IQSEC1: variants seen among roughly 807,000 people sequenced by gnomAD.
IQSEC1 encodes IQ motif and SEC7 domain-containing protein 1.
In IQSEC1, 31 loss-of-function variants were observed where a neutral mutation model predicts 91.0. That is an observed-to-expected ratio of 0.34 (90% CI 0.26 to 0.46). The LOEUF is 0.46. Among genes scored for constraint, IQSEC1 ranks in the 20% least tolerant of loss-of-function variants. The pLI is 1.00. For missense variants in IQSEC1, 1,388 were observed against 1,575.6 expected (o/e 0.88, Z 2.02); for synonymous variants, 699 against 662.6 (o/e 1.05, Z -0.84).
At chr3:13,039,267 A>G (rs1704162493) in intron 1 of IQSEC1, among the ~76,000 whole-genome samples, 1 of 151,788 alleles carries the variant, frequency 6.6e-6, no homozygotes, top group Non-Finnish European at 1.5e-5. Context: ...TCCGTTTGCT[A>G]GTTGAAATAA....
chr3:13,194,659 C>T (rs1021033799), intron 1 of IQSEC1, among the ~76,000 whole-genome samples: 1 of 152,054 alleles, frequency 6.6e-6, no homozygotes, highest in Non-Finnish European at 1.5e-5. Context: ...CAGAGGAGAC[C>T]CCTCGAGGTA....
chr3:12,915,121 G>T lies in IQSEC1; in HGVS notation c.2173C>A (p.His725Asn). 6.2e-7 allele frequency: 1 copy of T among 1,609,104 alleles called. No individual in the cohort carries two copies. The highest frequency in any genetic ancestry group is 8.5e-7 in the Non-Finnish European group (1 of 1,177,268). ...IVGKKPIGSL[H>N]PGLGCVLSLP... ...ATACTCACACAGCCGAGCCCGGGAT[G>T]CAGGGATCCGATCTGCGGGAGAATG... Residue 725 changes from histidine to asparagine, a missense_variant, in exon 8 of 14, where the codon CAT becomes AAT. His to Asn is a moderately conservative substitution (Grantham distance 68). Coordinates refer to ENST00000613206, the MANE Select transcript of IQSEC1 (RefSeq NM_001134382.3).
chr3:13,042,334 A>G (rs1330223231), intron 1 of IQSEC1: 1 of 152,204 alleles, frequency 6.6e-6, no homozygotes, highest in Non-Finnish European at 1.5e-5. Flanking sequence ...ACTGCCAGTA[A>G]TCCAGGCAAA....
chr3:13,013,280 A>T (rs868720130), intron 1 of IQSEC1, among the ~76,000 whole-genome samples: 1 of 152,014 alleles, frequency 6.6e-6, no homozygotes, highest in Non-Finnish European at 1.5e-5. Context: ...TAGCCACTTC[A>T]ATGCTCCCAC....
At chr3:13,250,638 TTTTA>T (rs1213938051) in intron 1 of IQSEC1, among the ~76,000 whole-genome samples, 1 of 139,704 alleles carries the variant, frequency 7.2e-6, no homozygotes, top group Admixed American at 7.0e-5. Flanking sequence ...TTTTATTTTA[TTTTA>T]TTTTAGTAGA....
chr3:12,947,151 T>C (rs1416404575), intron 1 of IQSEC1, among the ~76,000 whole-genome samples: 2 of 152,182 alleles, frequency 1.3e-5, no homozygotes, highest in East Asian at 3.9e-4. Context: ...ATCCCCATCA[T>C]CAAGCCTCTG....
At chr3:13,133,980 G>A (rs1303361965) in intron 2 of IQSEC1, among the ~76,000 whole-genome samples, 1 of 152,242 alleles carries the variant, frequency 6.6e-6, no homozygotes, top group Non-Finnish European at 1.5e-5. Context: ...TCAATCTGAG[G>A]AGGCCAGCCT....
intron 1 of IQSEC1, among the ~76,000 whole-genome samples, chr3:12,978,305 G>A (rs1701282541): frequency 6.6e-6 from 1 of 152,182 alleles, no homozygotes; most frequent in South Asian, 2.1e-4. Context: ...TCCTCAAAGT[G>A]GGGTCCTAGA....
intron 1 of IQSEC1, among the ~76,000 whole-genome samples, chr3:13,167,117 T>A (rs148470120): frequency 5.3e-4 from 81 of 152,282 alleles, no homozygotes; most frequent in Non-Finnish European, 1.1e-3. Context: ...ATGGCGGCAC[T>A]CAGCATGGGC....
chr3:13,232,245 C>T lies in IQSEC1; in HGVS notation c.272+50466G>A, dbSNP rs1188086480. ...CTAGCCACTCAGCCCCACCACTGTC[C>T]TATCATAGACAGGAGGAAACAAGAA... On this transcript the variant is annotated intron_variant, in intron 1 of 15. Coordinates refer to the IQSEC1 transcript ENST00000648114. Among the ~76,000 whole-genome samples the T allele has an allele frequency of 2.0e-5, 3 of 152,230 alleles. No homozygotes were observed. In the East Asian group the frequency reaches 5.8e-4, roughly 29 times the overall value.
chr3:13,129,024 T>C (rs1246416581), intron 2 of IQSEC1, among the ~76,000 whole-genome samples: 1 of 152,212 alleles, frequency 6.6e-6, no homozygotes, highest in Non-Finnish European at 1.5e-5. Flanking sequence ...ATTCTCTCCT[T>C]TTCAATTTTC....
intron 2 of IQSEC1, among the ~76,000 whole-genome samples, chr3:13,089,261 A>C (rs1330749073): frequency 6.6e-6 from 1 of 152,254 alleles, no homozygotes; most frequent in East Asian, 1.9e-4. Flanking sequence ...ATCTGTCCAT[A>C]CTATGAAACA....
chr3:13,259,452 G>A lies in IQSEC1; in HGVS notation c.272+23259C>T, dbSNP rs1381230768. Among the ~76,000 whole-genome samples, 6 of 152,148 alleles carry A rather than the reference G, an allele frequency of 3.9e-5. No homozygotes were observed. Among genetic ancestry groups the A allele is most frequent in the Non-Finnish European group, 8.8e-5 (6 of 67,988 alleles). On this transcript the variant is annotated intron_variant, in intron 1 of 15. Transcript: ENST00000648114. The surrounding 1 kb of genome is among the most constrained non-coding windows in gnomAD (Gnocchi z 4.6). ...CCCTGCACCCCATCAAAACAGTGGC[G>A]GGTGAGATAGCACTGTCATCGCCGG...
chr3:13,166,675 C>A (rs1414778614), intron 1 of IQSEC1, among the ~76,000 whole-genome samples: 1 of 152,242 alleles, frequency 6.6e-6, no homozygotes, highest in African/African-American at 2.4e-5. Context: ...TCACCACCTA[C>A]CCGAGGTGTG....
chr3:13,061,335 T>A (rs1705062539), intron 1 of IQSEC1, among the ~76,000 whole-genome samples: 1 of 152,218 alleles, frequency 6.6e-6, no homozygotes. Flanking sequence ...TGATCTGGAA[T>A]AAATGATGAG....
intron 1 of IQSEC1, among the ~76,000 whole-genome samples, chr3:13,199,740 C>G (rs1370919752): frequency 6.6e-6 from 1 of 151,968 alleles, no homozygotes; most frequent in Non-Finnish European, 1.5e-5. Context: ...CATCTGAGTC[C>G]TCCGTGGCTG....
At chr3:12,939,018 C>T (rs1299209779) in intron 2 of IQSEC1, among the ~76,000 whole-genome samples, 4 of 152,156 alleles carry the variant, frequency 2.6e-5, no homozygotes, top group African/African-American at 7.2e-5. Flanking sequence ...AAAAGTTTCC[C>T]GGGACCCAGT....
intron 1 of IQSEC1, among the ~76,000 whole-genome samples, chr3:13,173,721 T>G (rs749134706): frequency 6.6e-6 from 1 of 152,208 alleles, no homozygotes. Flanking sequence ...GGACAGGCCA[T>G]CTCTCTCCAA....
At chr3:12,950,649 T>TTG (rs2125415101) in intron 1 of IQSEC1, among the ~76,000 whole-genome samples, 1 of 150,976 alleles carries the variant, frequency 6.6e-6, no homozygotes, top group East Asian at 1.9e-4. Context: ...TCTACAAATT[T>TTG]TTTTTTTTTT....
Sources: gnomAD v4.1 joint callset for allele counts (sites outside exome capture counted in the v4.1 genomes callset) on GRCh38, gnomAD v4.1.1 for gene constraint, Gnocchi (gnomAD v3.1) non-coding constraint, MANE v1.5 for transcripts, NCBI Gene and HGNC (gene_info 2026-07-23, HGNC 2026-07-21) for gene names.